The following HS6ST3 variants were observed in gnomAD, a reference collection of about 807,000 sequenced individuals.
HS6ST3 encodes heparan-sulfate 6-O-sulfotransferase 3.
HS6ST3 carries 12 observed loss-of-function variants against 36.7 expected under a neutral mutation model. The ratio of observed to expected loss-of-function variants is 0.33; its 90% CI spans 0.21 to 0.53. The LOEUF (loss-of-function observed/expected upper bound fraction) is 0.53. Among genes scored for constraint, HS6ST3 ranks in the 20% least tolerant of loss-of-function variants. The probability of loss-of-function intolerance (pLI) is 0.95; values close to 1 mark genes in which losing one functional copy is unlikely to be tolerated. For synonymous variants in HS6ST3, 240 were observed against 257.5 expected, an observed-to-expected ratio of 0.93 and a Z score of 0.65; for missense variants, 584 against 640.9, an observed-to-expected ratio of 0.91 and a Z score of 0.96.
intron 1 of HS6ST3, among the ~76,000 whole-genome samples, chr13:96,776,179 G>A (rs1030687980): frequency 6.6e-6 from 1 of 152,026 alleles, no homozygotes; most frequent in Non-Finnish European, 1.5e-5. Context: ...TCTCTGGGAT[G>A]CAGCTAAAGT....
intron 1 of HS6ST3, among the ~76,000 whole-genome samples, chr13:96,681,519 C>T (rs2138438085): frequency 6.6e-6 from 1 of 152,196 alleles, no homozygotes; most frequent in Admixed American, 6.5e-5. Flanking sequence ...ACTTTCTGTC[C>T]TAGATTGACA....
chr13:96,760,212 A>G (rs1876931546), intron 1 of HS6ST3, among the ~76,000 whole-genome samples: 1 of 152,030 alleles, frequency 6.6e-6, no homozygotes, highest in Admixed American at 6.6e-5. Flanking sequence ...TTTAAATTAT[A>G]AGGATCTAAA....
chr13:96,665,228 CTTCTTCA>C (rs2056659631), intron 1 of HS6ST3, among the ~76,000 whole-genome samples: 1 of 152,080 alleles, frequency 6.6e-6, no homozygotes, highest in South Asian at 2.1e-4. Flanking sequence ...CAACCCAAAG[CTTCTTCA>C]TTCTTCATTT....
intron 1 of HS6ST3, among the ~76,000 whole-genome samples, chr13:96,337,983 G>A (rs117598846): frequency 0.014 from 2,175 of 151,908 alleles, 26 homozygotes; most frequent in East Asian, 0.054. Context: ...AACACAGGTG[G>A]CACTTGTTTC....
At chr13:96,197,175 G>A (rs973310315) in intron 1 of HS6ST3, among the ~76,000 whole-genome samples, 1 of 152,196 alleles carries the variant, frequency 6.6e-6, no homozygotes, top group Non-Finnish European at 1.5e-5. Flanking sequence ...AGACATACCC[G>A]AGACTGGGAA....
chr13:96,773,492 G>C (rs530805431), intron 1 of HS6ST3, among the ~76,000 whole-genome samples: 4 of 152,138 alleles, frequency 2.6e-5, no homozygotes, highest in Non-Finnish European at 5.9e-5. Context: ...TTGGTCCGGG[G>C]AGAGGCATCC....
At chr13:96,574,763 G>A (rs2056314830) in intron 1 of HS6ST3, among the ~76,000 whole-genome samples, 1 of 152,100 alleles carries the variant, frequency 6.6e-6, no homozygotes, top group African/African-American at 2.4e-5. Flanking sequence ...TGACTAGTGG[G>A]AATTACTGTG....
At chr13:96,220,293 G>A (rs181376670) in intron 1 of HS6ST3, among the ~76,000 whole-genome samples, 74 of 152,290 alleles carry the variant, frequency 4.9e-4, no homozygotes, top group African/African-American at 1.6e-3. Context: ...AGATCATCTG[G>A]AGGGAAAATA....
rs144895765 is a variant in HS6ST3 at position 96,625,803 on chromosome 13, C to G, written c.708-206687C>G. 3.9e-3 allele frequency among the ~76,000 whole-genome samples: 594 copies of G among 150,642 alleles called. 2 individuals carry two copies. Among genetic ancestry groups the G allele is most frequent in the African/African-American group, 0.014 (573 of 41,174 alleles). On this transcript the variant is annotated intron_variant, in intron 1 of 1. Coordinates refer to ENST00000376705, the MANE Select transcript of HS6ST3 (RefSeq NM_153456.4). ...CCCAATTTCTGTTAGTCTTTTTGCT[C>G]TCTTTATGCTTGTCTTTGTAAAGAG...
At chr13:96,398,064 T>C (rs962447990) in intron 1 of HS6ST3, among the ~76,000 whole-genome samples, 1 of 152,178 alleles carries the variant, frequency 6.6e-6, no homozygotes, top group African/African-American at 2.4e-5. Flanking sequence ...TTAACCTATC[T>C]TTGCATCATG....
chr13:96,734,028 C>T (rs892791653), intron 1 of HS6ST3, among the ~76,000 whole-genome samples: 3 of 152,200 alleles, frequency 2.0e-5, no homozygotes, highest in Non-Finnish European at 4.4e-5. Context: ...TAAACATGCA[C>T]ATCAGATCCT....
intron 1 of HS6ST3, among the ~76,000 whole-genome samples, chr13:96,241,010 G>A (rs1448220224): frequency 2.6e-5 from 4 of 152,286 alleles, no homozygotes; most frequent in Non-Finnish European, 4.4e-5. Flanking sequence ...TATGAAGGGC[G>A]GACCTGCAGC....
At position 96,657,753 on chromosome 13, in the gene HS6ST3, T is replaced by C. The variant is rs912857730; in HGVS notation, c.708-174737T>C. On this transcript the variant is annotated intron_variant, in intron 1 of 1. Coordinates refer to ENST00000376705, the MANE Select transcript of HS6ST3 (RefSeq NM_153456.4). ...TTACATGGCAGCAGACATGGAGAAA[T>C]AGATGAAGGGAGAGGGGATGGAAGA... 5.9e-5 allele frequency among the ~76,000 whole-genome samples: 9 copies of C among 151,944 alleles called. No individual in the cohort carries two copies. The East Asian group carries it at 1.2e-3, about 20-fold the overall frequency.
chr13:96,592,781 G>A (rs566779949), intron 1 of HS6ST3, among the ~76,000 whole-genome samples: 1 of 152,054 alleles, frequency 6.6e-6, no homozygotes, highest in South Asian at 2.1e-4. Flanking sequence ...TGTAAGAGTT[G>A]CACTAAAAAG....
chr13:96,823,627 T>A (rs539112543), intron 1 of HS6ST3, among the ~76,000 whole-genome samples: 11 of 152,282 alleles, frequency 7.2e-5, no homozygotes, highest in Middle Eastern at 3.4e-3. Flanking sequence ...TTTTCTTCTT[T>A]TTTTTTCTTT....
At chr13:96,235,041 T>C (rs547995186) in intron 1 of HS6ST3, among the ~76,000 whole-genome samples, 1 of 152,268 alleles carries the variant, frequency 6.6e-6, no homozygotes, top group South Asian at 2.1e-4. Context: ...ATAAAAATAG[T>C]AAATTGCATA....
At chr13:96,135,855 C>T (rs1281788870) in intron 1 of HS6ST3, among the ~76,000 whole-genome samples, 1 of 151,654 alleles carries the variant, frequency 6.6e-6, no homozygotes, top group Non-Finnish European at 1.5e-5. Context: ...TTATAAAAAG[C>T]ATGCAGTTTA....
chr13:96,371,838 G>T (rs891276177), intron 1 of HS6ST3, among the ~76,000 whole-genome samples: 3 of 152,002 alleles, frequency 2.0e-5, no homozygotes, highest in Non-Finnish European at 4.4e-5. Context: ...GCATATATAT[G>T]TATTCTATCT....
intron 1 of HS6ST3, among the ~76,000 whole-genome samples, chr13:96,453,209 TAGAG>T (rs1158195627): frequency 1.3e-5 from 2 of 151,730 alleles, no homozygotes; most frequent in African/African-American, 2.4e-5. Flanking sequence ...AAAAAAGATT[TAGAG>T]AGTACGAGTA....
Sources: allele counts gnomAD v4.1 joint callset (sites outside exome capture counted in the v4.1 genomes callset), GRCh38; gene constraint gnomAD v4.1.1; transcripts MANE v1.5; gene names NCBI Gene and HGNC (gene_info 2026-07-23, HGNC 2026-07-21).